The following ANKRD6 variants were observed in gnomAD, a reference collection of about 807,000 sequenced individuals.
ANKRD6 encodes the protein ankyrin repeat domain-containing protein 6.
ANKRD6 carries 56 observed loss-of-function variants against 82.3 expected under a neutral mutation model. That is an observed-to-expected ratio of 0.68 (90% confidence interval 0.55 to 0.85). The LOEUF (loss-of-function observed/expected upper bound fraction) is 0.85. Among genes scored for constraint, ANKRD6 ranks in the 40% least tolerant of loss-of-function variants. The pLI, the probability that ANKRD6 is intolerant of heterozygous loss-of-function variation, is 0.00. For synonymous variants in ANKRD6, 347 were observed against 352.1 expected (o/e 0.99, Z 0.16); for missense variants, 852 against 907.6 (o/e 0.94, Z 0.79).
At chr6:89,533,049 T>A (rs537275552) in intron 1 of ANKRD6, among the ~76,000 whole-genome samples, 29 of 152,102 alleles carry the variant, frequency 1.9e-4, no homozygotes, top group Middle Eastern at 3.4e-3. Context: ...AATTTTTTTT[T>A]AATTTTTAGT....
chr6:89,479,251 C>T (rs1368310622), intron 1 of ANKRD6, among the ~76,000 whole-genome samples: 2 of 152,200 alleles, frequency 1.3e-5, no homozygotes, highest in African/African-American at 2.4e-5. Context: ...TGAAGAACCA[C>T]TGGGAGCTTA....
chr6:89,437,305 C>G (rs911669116), intron 1 of ANKRD6, among the ~76,000 whole-genome samples: 1 of 152,152 alleles, frequency 6.6e-6, no homozygotes, highest in Non-Finnish European at 1.5e-5. Flanking sequence ...TGCTCAGACC[C>G]CAGATAAGCC....
At chr6:89,445,112 AT>A (rs1269025106) in intron 1 of ANKRD6, among the ~76,000 whole-genome samples, 1 of 152,098 alleles carries the variant, frequency 6.6e-6, no homozygotes, top group Non-Finnish European at 1.5e-5. Flanking sequence ...GCTTGTGGTA[AT>A]TCTGTGTTGA....
chr6:89,505,532 C>T (rs1197523479), intron 1 of ANKRD6, among the ~76,000 whole-genome samples: 1 of 152,174 alleles, frequency 6.6e-6, no homozygotes, highest in Non-Finnish European at 1.5e-5. Flanking sequence ...GTTCAAGAAT[C>T]CACTCTTTAC....
intron 1 of ANKRD6, among the ~76,000 whole-genome samples, chr6:89,495,009 C>T (rs1324133422): frequency 3.9e-5 from 6 of 152,136 alleles, no homozygotes; most frequent in Admixed American, 3.3e-4. Context: ...CCGAGGTGGG[C>T]GGATCACAAG....
chr6:89,555,430 C>G (rs1285601435), intron 1 of ANKRD6, among the ~76,000 whole-genome samples: 2 of 152,016 alleles, frequency 1.3e-5, no homozygotes, highest in Admixed American at 1.3e-4. Flanking sequence ...GTAGTTATTC[C>G]TATTTTATAC....
At chr6:89,604,895 G>C (rs1193930163) in intron 4 of ANKRD6, among the ~76,000 whole-genome samples, 1 of 152,140 alleles carries the variant, frequency 6.6e-6, no homozygotes. Context: ...GCCAGAGCCT[G>C]GATGTAATTG....
At chr6:89,607,824 T>A (rs1454926732) in intron 5 of ANKRD6, among the ~76,000 whole-genome samples, 2 of 145,496 alleles carry the variant, frequency 1.4e-5, no homozygotes, top group Non-Finnish European at 2.9e-5. Flanking sequence ...ATTTTTCCAT[T>A]TTTAGTAGAG....
chr6:89,458,461 A>G (rs1475467041), intron 1 of ANKRD6, among the ~76,000 whole-genome samples: 1 of 152,204 alleles, frequency 6.6e-6, no homozygotes, highest in Admixed American at 6.5e-5. Context: ...CCTCAAAAGT[A>G]GGGAAGTTGA....
At chr6:89,615,002 A>C (rs1801195791) in intron 7 of ANKRD6, among the ~76,000 whole-genome samples, 1 of 152,170 alleles carries the variant, frequency 6.6e-6, no homozygotes, top group African/African-American at 2.4e-5. Context: ...GTGCCATGCA[A>C]TGGGGTTTTG....
At chr6:89,570,878 T>C (rs979648724) in intron 2 of ANKRD6, among the ~76,000 whole-genome samples, 2 of 152,242 alleles carry the variant, frequency 1.3e-5, no homozygotes, top group African/African-American at 4.8e-5. Flanking sequence ...TTTGAGCCCT[T>C]GCTTTCATAT....
At chr6:89,467,040 T>C (rs1312338726) in intron 1 of ANKRD6, among the ~76,000 whole-genome samples, 1 of 152,180 alleles carries the variant, frequency 6.6e-6, no homozygotes, top group African/African-American at 2.4e-5. Flanking sequence ...GTCAGTTGAC[T>C]TCACAAGATT....
intron 1 of ANKRD6, among the ~76,000 whole-genome samples, chr6:89,453,966 T>C (rs1378059827): frequency 6.6e-6 from 1 of 152,002 alleles, no homozygotes; most frequent in Non-Finnish European, 1.5e-5. Context: ...CACGCCCGGC[T>C]AACTTTTCGT....
chr6:89,528,983 T>C (rs938165544), intron 1 of ANKRD6, among the ~76,000 whole-genome samples: 3 of 152,232 alleles, frequency 2.0e-5, no homozygotes, highest in Non-Finnish European at 4.4e-5. Context: ...GTTCCATTTA[T>C]AGAGTACAGG....
chr6:89,620,770 A>G (rs1250123226), intron 9 of ANKRD6, among the ~76,000 whole-genome samples: 1 of 152,036 alleles, frequency 6.6e-6, no homozygotes, highest in Non-Finnish European at 1.5e-5. Flanking sequence ...TTTCTTTTTT[A>G]AAAATAAAGA....
chr6:89,491,394 C>G (rs1777989528), intron 1 of ANKRD6, among the ~76,000 whole-genome samples: 1 of 152,156 alleles, frequency 6.6e-6, no homozygotes, highest in South Asian at 2.1e-4. Flanking sequence ...CTGCCCTTTT[C>G]CCCTGAAGCC....
At chr6:89,480,454 C>G (rs1405690004) in intron 1 of ANKRD6, among the ~76,000 whole-genome samples, 3 of 151,988 alleles carry the variant, frequency 2.0e-5, no homozygotes. Flanking sequence ...CCCTTCATCT[C>G]AAAAGTGAGT....
chr6:89,520,096 A>G (rs1212550712), intron 1 of ANKRD6, among the ~76,000 whole-genome samples: 1 of 152,044 alleles, frequency 6.6e-6, no homozygotes, highest in African/African-American at 2.4e-5. Context: ...CGATCCTCCT[A>G]CTTCAGCCTC....
At chr6:89,452,232 A>G (rs1308241074) in intron 1 of ANKRD6, among the ~76,000 whole-genome samples, 1 of 152,214 alleles carries the variant, frequency 6.6e-6, no homozygotes, top group Non-Finnish European at 1.5e-5. Flanking sequence ...AGCTAAGTAA[A>G]TCGGATGGAG....
Sources: allele counts gnomAD v4.1 joint callset (sites outside exome capture counted in the v4.1 genomes callset), GRCh38; gene constraint gnomAD v4.1.1; transcripts MANE v1.5; gene names NCBI Gene and HGNC (gene_info 2026-07-23, HGNC 2026-07-21).